IL1RAPL1: variants seen among roughly 807,000 people sequenced by gnomAD.
IL1RAPL1 encodes interleukin 1 receptor accessory protein like 1.
Under a neutral mutation model 48.4 loss-of-function variants are expected in IL1RAPL1, and 3 were observed. The ratio of observed to expected loss-of-function variants is 0.06; its 90% CI spans 0.03 to 0.16. The LOEUF (loss-of-function observed/expected upper bound fraction) is 0.16, where lower values mean the gene tolerates loss of function less well. Ranked by LOEUF, IL1RAPL1 falls within the 10% of genes least tolerant of loss-of-function variation. The probability of loss-of-function intolerance (pLI) is 1.00; values close to 1 mark genes in which losing one functional copy is unlikely to be tolerated. For synonymous variants in IL1RAPL1, 185 were observed against 187.7 expected (o/e 0.99, Z 0.12); for missense variants, 349 against 530.6 (o/e 0.66, Z 3.36).
At chrX:29,608,369 C>T (rs769477120) in intron 5 of IL1RAPL1, among the ~76,000 whole-genome samples, 2 of 99,764 alleles carry the variant, frequency 2.0e-5, no homozygotes, top group African/African-American at 7.8e-5. Flanking sequence ...GTAGGTATTA[C>T]CATCATAGAA....
intron 1 of IL1RAPL1, among the ~76,000 whole-genome samples, chrX:28,605,687 G>A (rs144065420): frequency 0.015 from 1,624 of 111,963 alleles, 38 homozygotes; most frequent in African/African-American, 0.05. Flanking sequence ...TGCAAAGGTT[G>A]CTGATTTTAC....
intron 5 of IL1RAPL1, among the ~76,000 whole-genome samples, chrX:29,461,745 G>GAA (rs1295873061): frequency 2.7e-5 from 3 of 112,133 alleles, no homozygotes; most frequent in Non-Finnish European, 5.6e-5. Context: ...TATACTGGGT[G>GAA]AAAGAATCCA....
At chrX:28,815,698 CAT>C (rs1207390927) in intron 2 of IL1RAPL1, among the ~76,000 whole-genome samples, 3 of 102,902 alleles carry the variant, frequency 2.9e-5, no homozygotes, top group Admixed American at 1.1e-4. Flanking sequence ...TGAGTGAAAA[CAT>C]GTGATATTTG....
At chrX:29,852,668 A>AT in intron 6 of IL1RAPL1, among the ~76,000 whole-genome samples, 1 of 111,860 alleles carries the variant, frequency 8.9e-6, no homozygotes. Flanking sequence ...TATATAAACC[A>AT]TTTTTTTATA....
intron 5 of IL1RAPL1, among the ~76,000 whole-genome samples, chrX:29,614,083 C>T (rs1034290923): frequency 9.0e-6 from 1 of 111,034 alleles, no homozygotes; most frequent in Non-Finnish European, 1.9e-5. Context: ...TTTTAAAATG[C>T]TATGTTCTTA....
At chrX:29,401,610 T>C (rs1376171794) in intron 5 of IL1RAPL1, among the ~76,000 whole-genome samples, 2 of 109,041 alleles carry the variant, frequency 1.8e-5, no homozygotes, top group African/African-American at 6.7e-5. Flanking sequence ...TTTTACTTAA[T>C]GAAAATATTA....
intron 2 of IL1RAPL1, among the ~76,000 whole-genome samples, chrX:28,913,168 A>G (rs1248764392): frequency 9.0e-6 from 1 of 111,556 alleles, no homozygotes; most frequent in Non-Finnish European, 1.9e-5. Context: ...ATTGAGTGCA[A>G]GAAGTGTTCT....
chrX:28,889,418 C>T (rs1305363555), intron 2 of IL1RAPL1, among the ~76,000 whole-genome samples: 2 of 111,232 alleles, frequency 1.8e-5, no homozygotes, highest in African/African-American at 6.5e-5. Flanking sequence ...GCTATTAACA[C>T]TAAAATATTT....
chrX:29,252,246 C>T (rs1395642450), intron 2 of IL1RAPL1, among the ~76,000 whole-genome samples: 1 of 109,958 alleles, frequency 9.1e-6, no homozygotes, highest in Non-Finnish European at 1.9e-5. Flanking sequence ...GCACATGTAC[C>T]CTAAAACTTA....
At chrX:29,074,676 T>G (rs762302938) in intron 2 of IL1RAPL1, among the ~76,000 whole-genome samples, 1 of 112,163 alleles carries the variant, frequency 8.9e-6, no homozygotes, top group East Asian at 2.8e-4. Flanking sequence ...TTTAATTACA[T>G]TGTGATCCAA....
chrX:28,703,053 T>A (rs2146930882), intron 1 of IL1RAPL1, among the ~76,000 whole-genome samples: 1 of 111,811 alleles, frequency 8.9e-6, no homozygotes, highest in Admixed American at 9.5e-5. Context: ...TCTCTTGCCC[T>A]TGCATCAGAC....
chrX:28,825,253 A>T (rs184757095), intron 2 of IL1RAPL1, among the ~76,000 whole-genome samples: 1 of 111,888 alleles, frequency 8.9e-6, no homozygotes, highest in East Asian at 2.8e-4. Context: ...TGAAGTTGTC[A>T]TGAAAAGGCA....
rs1926259625 is a variant in IL1RAPL1, at chrX:29,675,586, C to CT, written c.778+7085dup. On this transcript the variant is annotated intron_variant, in intron 6 of 10. Transcript: ENST00000378993. ...GGAAGTTATCAGGTCAAACCTTTTT[C>CT]TTTCTTTTTTTTCCTTTTTTTGAGA... Among the ~76,000 whole-genome samples, 4 of 111,874 alleles carry CT rather than the reference C, an allele frequency of 3.6e-5. No homozygotes were observed. In the South Asian group the frequency reaches 1.5e-3, roughly 42 times the overall value.
rs761848526 is a variant in IL1RAPL1 at position 29,912,691 on chromosome X, AAAG to A, written c.779-4770_779-4768del. On this transcript the variant is annotated intron_variant, in intron 6 of 10. Transcript: ENST00000378993. ...TTAGGTGAAAATGAGAATTTAAAGCAAAGAATATAGGCTTAAATAAAATCAAGA... is the reference window on the plus strand; with the variant it reads ...TTAGGTGAAAATGAGAATTTAAAGCAAATATAGGCTTAAATAAAATCAAGA... Among the ~76,000 whole-genome samples the A allele has an allele frequency of 1.4e-4, 16 of 112,273 alleles. No individual in the cohort carries two copies. The East Asian group carries it at 4.5e-3, about 31-fold the overall frequency.
At chrX:29,423,804 C>T (rs1934319511) in intron 5 of IL1RAPL1, among the ~76,000 whole-genome samples, 1 of 111,503 alleles carries the variant, frequency 9.0e-6, no homozygotes, top group Admixed American at 9.6e-5. Context: ...TAAACTGGCT[C>T]ATAGATGACA....
chrX:29,703,124 A>G (rs1000423974), intron 6 of IL1RAPL1, among the ~76,000 whole-genome samples: 4 of 111,479 alleles, frequency 3.6e-5, no homozygotes, highest in Non-Finnish European at 7.5e-5. Context: ...ATAAATTGTA[A>G]TTATAAGTAA....
chrX:29,456,625 C>G (rs1934742122), intron 5 of IL1RAPL1, among the ~76,000 whole-genome samples: 1 of 111,106 alleles, frequency 9.0e-6, no homozygotes, highest in African/African-American at 3.3e-5. Context: ...GCGTGATTCT[C>G]ATGGTCGCCA....
intron 8 of IL1RAPL1, among the ~76,000 whole-genome samples, chrX:29,920,794 C>CAAAAAAAAAAAAAAAAAA (rs1176529100): frequency 2.2e-4 from 7 of 31,638 alleles, no homozygotes; most frequent in African/African-American, 5.0e-4. Flanking sequence ...GACCCTGTCT[C>CAAAAAAAAAAAAAAAAAA]AAAAAAAAAA....
chrX:29,752,006 CAT>C lies in IL1RAPL1; in HGVS notation c.778+83511_778+83512del, dbSNP rs765770089. Among the ~76,000 whole-genome samples, 21 of 98,044 alleles carry C rather than the reference CAT, an allele frequency of 2.1e-4. No individual in the cohort carries two copies. The East Asian group carries it at 3.8e-3, about 18-fold the overall frequency. 85.1% of individuals were successfully genotyped at this position (98,044 alleles called of 115,157 possible). ...ATGTGTGTGTATATATATACACACA[CAT>C]ATATATATGATAATATGTAACTACC... On this transcript the variant is annotated intron_variant, in intron 6 of 10. Coordinates refer to ENST00000378993, the MANE Select transcript of IL1RAPL1 (RefSeq NM_014271.4).
Sources: gnomAD v4.1 joint callset for allele counts (sites outside exome capture counted in the v4.1 genomes callset) on GRCh38, gnomAD v4.1.1 for gene constraint, MANE v1.5 for transcripts, NCBI Gene and HGNC (gene_info 2026-07-23, HGNC 2026-07-21) for gene names.